The following GPR176 variants were observed in gnomAD, a reference collection of about 807,000 sequenced individuals.
GPR176 encodes the protein G protein-coupled receptor 176, also known as G-protein coupled receptor 176.
A neutral mutation model predicts 35.4 loss-of-function variants in GPR176; 26 were observed. That is an observed-to-expected ratio of 0.74 (90% CI 0.54 to 1.02). The LOEUF is 1.02. Among genes scored for constraint, GPR176 ranks in the 50% least tolerant of loss-of-function variants. The pLI is 0.00. For synonymous variants in GPR176, 278 were observed against 271.3 expected, an observed-to-expected ratio of 1.02 and a Z score of -0.24; for missense variants, 597 against 665.3, an observed-to-expected ratio of 0.90 and a Z score of 1.13.
chr15:39,871,999 T>A (rs551807903), intron 1 of GPR176, among the ~76,000 whole-genome samples: 1 of 152,356 alleles, frequency 6.6e-6, no homozygotes, highest in South Asian at 2.1e-4. Context: ...ATGAGGCCAA[T>A]TTTATCCAAT....
chr15:39,852,382 T>C (rs2030933519), intron 1 of GPR176, among the ~76,000 whole-genome samples: 1 of 152,210 alleles, frequency 6.6e-6, no homozygotes, highest in Admixed American at 6.5e-5. Flanking sequence ...GGTACTAGAA[T>C]CTTAGCTAGT....
intron 1 of GPR176, among the ~76,000 whole-genome samples, chr15:39,809,131 A>T (rs1453505276): frequency 2.3e-4 from 35 of 152,176 alleles, no homozygotes; most frequent in Admixed American, 3.9e-4. Flanking sequence ...AAAACCCGAG[A>T]CTGCTATAAT....
intron 1 of GPR176, chr15:39,909,808 G>A (rs1345380499): frequency 2.1e-6 from 1 of 470,504 alleles, no homozygotes; most frequent in Non-Finnish European, 2.8e-6. Context: ...GAAATAACTA[G>A]CTTTTTTTCA....
chr15:39,904,195 T>TA, intron 1 of GPR176, among the ~76,000 whole-genome samples: 1 of 152,144 alleles, frequency 6.6e-6, no homozygotes, highest in Non-Finnish European at 1.5e-5. Flanking sequence ...GCAAGGTCTT[T>TA]ATGACCTGTA....
At chr15:39,817,203 A>G (rs1450705303) in intron 1 of GPR176, among the ~76,000 whole-genome samples, 2 of 150,728 alleles carry the variant, frequency 1.3e-5, no homozygotes, top group East Asian at 4.0e-4. Context: ...GAAAAAAACT[A>G]TTCCATTTTT....
At chr15:39,864,026 T>C (rs566403533) in intron 1 of GPR176, among the ~76,000 whole-genome samples, 1 of 152,326 alleles carries the variant, frequency 6.6e-6, no homozygotes, top group African/African-American at 2.4e-5. Context: ...ATTCTTTCCC[T>C]TGAATAATTT....
intron 1 of GPR176, among the ~76,000 whole-genome samples, chr15:39,864,620 G>T (rs1464569305): frequency 1.3e-5 from 2 of 152,012 alleles, no homozygotes; most frequent in Non-Finnish European, 2.9e-5. Flanking sequence ...AACTCTTCTG[G>T]ACATTGGTCT....
chr15:39,812,982 G>C (rs140475347), intron 1 of GPR176, among the ~76,000 whole-genome samples: 28 of 152,160 alleles, frequency 1.8e-4, no homozygotes, highest in African/African-American at 6.0e-4. Flanking sequence ...TGATCTGCCT[G>C]CCTCAGCCTC....
chr15:39,878,329 T>C (rs574187592), intron 1 of GPR176, among the ~76,000 whole-genome samples: 99 of 152,276 alleles, frequency 6.5e-4, no homozygotes, highest in Non-Finnish European at 1.3e-3. Flanking sequence ...TTCCATGAGT[T>C]CAATGTTTTT....
chr15:39,836,089 G>A (rs1278301513), intron 1 of GPR176, among the ~76,000 whole-genome samples: 2 of 152,160 alleles, frequency 1.3e-5, no homozygotes, highest in African/African-American at 4.8e-5. Context: ...AGTGAGACCT[G>A]TCTCAAAACA....
At position 39,889,608 on chromosome 15, in the gene GPR176, T is replaced by TAAAATAAAAC. The variant is rs1369801259; in HGVS notation, c.172+30246_172+30247insGTTTTATTTT. Among the ~76,000 whole-genome samples, 587 of 136,374 alleles carry TAAAATAAAAC rather than the reference T, an allele frequency of 4.3e-3. 5 individuals carry two copies. Among genetic ancestry groups the TAAAATAAAAC allele is most frequent in the Non-Finnish European group, 5.5e-3 (351 of 63,486 alleles). 89.5% of individuals were successfully genotyped at this position (136,374 alleles called of 152,430 possible). A position where few individuals can be genotyped will look rare whatever the true frequency, so the allele number is the denominator to read the frequency against. On this transcript the variant is annotated intron_variant, in intron 1 of 2. Coordinates refer to ENST00000561100, the MANE Select transcript of GPR176 (RefSeq NM_007223.3). Reference sequence around the variant, plus strand: ...TAAAATAAAATAAAATAAAATAAAATAAAACAAAACAAAACATTAAAGTGT... The same window carrying TAAAATAAAAC: ...TAAAATAAAATAAAATAAAATAAAATAAAATAAAACAAAACAAAACAAAACATTAAAGTGT...
At chr15:39,837,850 G>T (rs1344822435) in intron 1 of GPR176, among the ~76,000 whole-genome samples, 1 of 151,844 alleles carries the variant, frequency 6.6e-6, no homozygotes, top group African/African-American at 2.4e-5. Flanking sequence ...CTCATGGTAG[G>T]TGATTAATAT....
intron 1 of GPR176, among the ~76,000 whole-genome samples, chr15:39,869,152 T>TTAAAAA (rs1566957089): frequency 3.1e-5 from 4 of 130,004 alleles, no homozygotes; most frequent in Admixed American, 2.3e-4. Flanking sequence ...AACTGCTTTT[T>TTAAAAA]AAAAAAAAAA....
chr15:39,814,728 G>A (rs1899785905), intron 1 of GPR176, among the ~76,000 whole-genome samples: 1 of 152,164 alleles, frequency 6.6e-6, no homozygotes, highest in Non-Finnish European at 1.5e-5. Flanking sequence ...TTAGTACTTG[G>A]TTGCACTTTT....
intron 1 of GPR176, among the ~76,000 whole-genome samples, chr15:39,819,767 A>C (rs1900147225): frequency 6.6e-6 from 1 of 152,218 alleles, no homozygotes; most frequent in African/African-American, 2.4e-5. Flanking sequence ...TATGTTGGAA[A>C]TATTTCCAAA....
At chr15:39,815,305 A>G (rs1462675115) in intron 1 of GPR176, 2 of 152,288 alleles carry the variant, frequency 1.3e-5, no homozygotes, top group African/African-American at 2.4e-5. Context: ...GAGGTCTCCC[A>G]TGGGAGAATC....
chr15:39,840,420 G>A (rs1901670050), intron 1 of GPR176, among the ~76,000 whole-genome samples: 2 of 152,112 alleles, frequency 1.3e-5, no homozygotes, highest in South Asian at 2.1e-4. Flanking sequence ...CTCATAGGCG[G>A]GAATTGAACA....
intron 1 of GPR176, among the ~76,000 whole-genome samples, chr15:39,851,779 T>C (rs1176391464): frequency 2.0e-5 from 3 of 152,164 alleles, no homozygotes; most frequent in Non-Finnish European, 4.4e-5. Context: ...TTTCCCAACA[T>C]ATATTTTAGC....
At chr15:39,853,789 C>T (rs1047034189) in intron 1 of GPR176, among the ~76,000 whole-genome samples, 1 of 151,936 alleles carries the variant, frequency 6.6e-6, no homozygotes, top group African/African-American at 2.4e-5. Context: ...AGACATCCCC[C>T]AACAACAAAA....
Sources: gnomAD v4.1 joint callset for allele counts (sites outside exome capture counted in the v4.1 genomes callset) on GRCh38, gnomAD v4.1.1 for gene constraint, MANE v1.5 for transcripts, NCBI Gene and HGNC (gene_info 2026-07-23, HGNC 2026-07-21) for gene names.